Variants in CTNNA3 observed in about 807,000 individuals in gnomAD.
CTNNA3 encodes the protein catenin alpha 3.
In CTNNA3, 76 loss-of-function variants were observed where a neutral mutation model predicts 95.7. The ratio of observed to expected loss-of-function variants is 0.79; its 90% CI spans 0.66 to 0.96. The LOEUF (loss-of-function observed/expected upper bound fraction) is 0.96. Among genes scored for constraint, CTNNA3 ranks in the 40% least tolerant of loss-of-function variants. CTNNA3 has a pLI of 0.00. For missense variants in CTNNA3, 1,191 were observed against 1,089.8 expected (o/e 1.09, Z -1.31); for synonymous variants, 431 against 374.4 (o/e 1.15, Z -1.74).
chr10:67,075,175 C>CACACACAT (rs1313139874), intron 7 of CTNNA3, among the ~76,000 whole-genome samples: 2 of 151,864 alleles, frequency 1.3e-5, no homozygotes, highest in African/African-American at 4.8e-5. Context: ...TTTCTGCACA[C>CACACACAT]ACACACACAC....
intron 11 of CTNNA3, among the ~76,000 whole-genome samples, chr10:66,402,673 A>G (rs1461108715): frequency 6.6e-6 from 1 of 152,184 alleles, no homozygotes; most frequent in Non-Finnish European, 1.5e-5. Context: ...TAGTCCTAGA[A>G]ATAAATAAGG....
At chr10:67,657,440 A>T (rs1429965245) in intron 1 of CTNNA3, among the ~76,000 whole-genome samples, 1 of 152,194 alleles carries the variant, frequency 6.6e-6, no homozygotes, top group Non-Finnish European at 1.5e-5. Context: ...GGTAGGTTGA[A>T]GTCCACTATT....
intron 17 of CTNNA3, among the ~76,000 whole-genome samples, chr10:65,947,283 C>A (rs963888754): frequency 2.0e-5 from 3 of 152,100 alleles, no homozygotes; most frequent in Non-Finnish European, 4.4e-5. Context: ...ACGGCATTTT[C>A]TTACCTTTTT....
At chr10:66,016,966 A>G (rs2133410374) in intron 15 of CTNNA3, among the ~76,000 whole-genome samples, 1 of 152,300 alleles carries the variant, frequency 6.6e-6, no homozygotes, top group African/African-American at 2.4e-5. Context: ...ACTTAAATAA[A>G]AACTAATATC....
intron 7 of CTNNA3, among the ~76,000 whole-genome samples, chr10:66,803,359 CA>C (rs1841504757): frequency 6.6e-6 from 1 of 151,954 alleles, no homozygotes; most frequent in African/African-American, 2.4e-5. Flanking sequence ...TCCACCTACA[CA>C]ACTCTCACTT....
intron 13 of CTNNA3, among the ~76,000 whole-genome samples, chr10:66,237,987 A>C (rs1398749944): frequency 2.6e-5 from 4 of 152,000 alleles, no homozygotes; most frequent in African/African-American, 9.7e-5. Context: ...TTTTTTTCTA[A>C]ATTGTCATAG....
chr10:66,747,701 G>A (rs1296468199), intron 9 of CTNNA3, among the ~76,000 whole-genome samples: 1 of 152,048 alleles, frequency 6.6e-6, no homozygotes, highest in African/African-American at 2.4e-5. Context: ...TAGAAAACAG[G>A]ACTCCAAAAG....
At chr10:66,603,773 C>G (rs1343724401) in intron 10 of CTNNA3, among the ~76,000 whole-genome samples, 1 of 151,982 alleles carries the variant, frequency 6.6e-6, no homozygotes, top group Non-Finnish European at 1.5e-5. Context: ...AGAAATAAAC[C>G]CACACTATTA....
intron 12 of CTNNA3, among the ~76,000 whole-genome samples, chr10:66,352,061 G>C (rs1221560330): frequency 6.6e-6 from 1 of 152,040 alleles, no homozygotes; most frequent in African/African-American, 2.4e-5. Flanking sequence ...TAAAGAGATG[G>C]AAGATTTCAT....
intron 5 of CTNNA3, among the ~76,000 whole-genome samples, chr10:67,319,896 CAAA>C (rs11418140): frequency 9.7e-6 from 1 of 102,874 alleles, no homozygotes; most frequent in African/African-American, 4.0e-5. Flanking sequence ...GACTCAGTCT[CAAA>C]AAAAAAAAAA....
chr10:67,603,672 T>C (rs1167013803), intron 3 of CTNNA3, among the ~76,000 whole-genome samples: 2 of 151,138 alleles, frequency 1.3e-5, no homozygotes, highest in African/African-American at 4.9e-5. Context: ...AAAAAGAAAA[T>C]ATTGTGCAGC....
intron 15 of CTNNA3, among the ~76,000 whole-genome samples, chr10:66,013,373 CAT>C (rs1293871247): frequency 2.0e-5 from 3 of 152,190 alleles, no homozygotes; most frequent in African/African-American, 7.2e-5. Context: ...ATATAAGTTA[CAT>C]ATGAGTATCA....
intron 17 of CTNNA3, among the ~76,000 whole-genome samples, chr10:65,957,050 T>G (rs2077745585): frequency 6.6e-6 from 1 of 152,174 alleles, no homozygotes; most frequent in Non-Finnish European, 1.5e-5. Context: ...TCTAAGGACT[T>G]GCTTTATGAG....
intron 7 of CTNNA3, chr10:67,098,807 A>G (rs1858163528): frequency 6.6e-6 from 1 of 151,906 alleles, no homozygotes; most frequent in African/African-American, 2.4e-5. Flanking sequence ...AGCAATTTTT[A>G]TCCTAATTAA....
chr10:67,594,097 G>A (rs2133353279), intron 3 of CTNNA3, among the ~76,000 whole-genome samples: 1 of 152,274 alleles, frequency 6.6e-6, no homozygotes, highest in African/African-American at 2.4e-5. Context: ...GCATCCCAGG[G>A]ATAAGGCCTA....
intron 12 of CTNNA3, among the ~76,000 whole-genome samples, chr10:66,331,392 C>T (rs576974685): frequency 2.6e-4 from 30 of 115,770 alleles, no homozygotes; most frequent in African/African-American, 5.9e-4. Flanking sequence ...TTTGCTCTGT[C>T]GCCCAGGCTG....
intron 13 of CTNNA3, among the ~76,000 whole-genome samples, chr10:66,181,799 C>T (rs1298698921): frequency 6.6e-6 from 1 of 152,026 alleles, no homozygotes; most frequent in African/African-American, 2.4e-5. Flanking sequence ...AATCTACCTC[C>T]AAATTATAGT....
intron 13 of CTNNA3, among the ~76,000 whole-genome samples, chr10:66,270,294 C>T (rs2091252188): frequency 6.6e-6 from 1 of 151,978 alleles, no homozygotes; most frequent in African/African-American, 2.4e-5. Flanking sequence ...AGCCTCGATC[C>T]CCCAGGGTCA....
At chr10:67,453,847 C>T (rs1847077519) in intron 5 of CTNNA3, among the ~76,000 whole-genome samples, 1 of 152,114 alleles carries the variant, frequency 6.6e-6, no homozygotes, top group Non-Finnish European at 1.5e-5. Context: ...GTCCAATCCC[C>T]TAAATGCAAA....
Sources: gnomAD v4.1 joint callset for allele counts (sites outside exome capture counted in the v4.1 genomes callset) on GRCh38, gnomAD v4.1.1 for gene constraint, MANE v1.5 for transcripts, NCBI Gene and HGNC (gene_info 2026-07-23, HGNC 2026-07-21) for gene names.